UBAC2: variants seen among roughly 807,000 people sequenced by gnomAD.
UBAC2 encodes UBA domain containing 2.
Under a neutral mutation model 44.0 loss-of-function variants are expected in UBAC2, and 26 were observed. The observed-to-expected ratio is 0.59, with a 90% CI of 0.43 to 0.82. UBAC2 has a LOEUF of 0.82. Ranked by LOEUF, UBAC2 falls within the 40% of genes least tolerant of loss-of-function variation. The pLI is 0.00. For synonymous variants in UBAC2, 155 were observed against 154.3 expected, an observed-to-expected ratio of 1.00 and a Z score of -0.04; for missense variants, 329 against 419.4, an observed-to-expected ratio of 0.78 and a Z score of 1.88.
chr13:99,282,591 CTG>C (rs2043968370), intron 4 of UBAC2, among the ~76,000 whole-genome samples: 1 of 152,078 alleles, frequency 6.6e-6, no homozygotes. Flanking sequence ...ATATTTATAA[CTG>C]TTGGGCTAGA....
At position 99,369,008 on chromosome 13, in the gene UBAC2, C is replaced by T. The variant is rs565205561; in HGVS notation, c.927+1102C>T. ...ATCCCACTGGCCACATCTAGGGCAT[C>T]GGCTTGGGGATCAGAATAAATAAAG... On this transcript the variant is annotated intron_variant, in intron 8 of 8. Transcript: ENST00000403766. 3.9e-5 allele frequency among the ~76,000 whole-genome samples: 6 copies of T among 152,070 alleles called. No homozygotes were observed. The East Asian group carries it at 5.8e-4, about 15-fold the overall frequency.
intron 4 of UBAC2, chr13:99,254,992 T>A: frequency 6.2e-7 from 1 of 1,614,142 alleles, no homozygotes; most frequent in Non-Finnish European, 8.5e-7. Context: ...GACTCGAGCC[T>A]GAAATTGTTT....
At chr13:99,291,885 A>G (rs1594093500) in intron 4 of UBAC2, among the ~76,000 whole-genome samples, 1 of 152,206 alleles carries the variant, frequency 6.6e-6, no homozygotes, top group South Asian at 2.1e-4. Context: ...ATATTTGAGG[A>G]CCTTCAATGT....
intron 4 of UBAC2, chr13:99,296,166 A>C (rs2044169468): frequency 1.3e-6 from 2 of 1,545,876 alleles, no homozygotes; most frequent in Non-Finnish European, 1.7e-6. Flanking sequence ...CCAGGTGTCT[A>C]GAAAAAAACC....
chr13:99,310,490 A>G lies in UBAC2; in HGVS notation c.390-3607A>G, dbSNP rs1047279674. ...TTACTGTTGACAGTATAGAGAACAG[A>G]TGTTGTCATAAAATAAGGAAAAGAA... is the stretch of plus-strand genomic sequence containing the variant. On this transcript the variant is annotated intron_variant, in intron 4 of 8. Coordinates refer to ENST00000403766, the MANE Select transcript of UBAC2 (RefSeq NM_001144072.2). Among the ~76,000 whole-genome samples the G allele has an allele frequency of 3.3e-5, 5 of 152,240 alleles. No homozygotes were observed. The South Asian group carries it at 1.0e-3, about 32-fold the overall frequency.
At chr13:99,255,601 T>C in intron 4 of UBAC2, 1 of 1,614,096 alleles carries the variant, frequency 6.2e-7, no homozygotes, top group Middle Eastern at 1.6e-4. Flanking sequence ...GCAGAAGTAC[T>C]CTCCAAATGG....
chr13:99,379,380 G>T (rs1441712845), intron 8 of UBAC2, among the ~76,000 whole-genome samples: 2 of 152,206 alleles, frequency 1.3e-5, no homozygotes, highest in African/African-American at 2.4e-5. Context: ...CAATGACCTT[G>T]GCAAACTCAC....
rs61736137 is a variant in UBAC2, at chr13:99,254,986, C to T, written c.389+10362C>T. ...ACGGTATAGCATGACACTAATGACT[C>T]GAGCCTGAAATTGTTTTGAAACGAT... On this transcript the variant is annotated intron_variant, in intron 4 of 8. Coordinates refer to ENST00000403766, the MANE Select transcript of UBAC2 (RefSeq NM_001144072.2). The T allele has an allele frequency of 1.2e-4, 191 of 1,614,072 alleles. No homozygotes were observed. Among genetic ancestry groups the T allele is most frequent in the Non-Finnish European group, 1.3e-4 (157 of 1,180,014 alleles).
At chr13:99,243,501 T>A (rs1458291903) in intron 2 of UBAC2, among the ~76,000 whole-genome samples, 4 of 152,158 alleles carry the variant, frequency 2.6e-5, no homozygotes. Context: ...TTTGTTAGCC[T>A]TTCATTCTAG....
At chr13:99,367,682 C>G (rs1399165486) in intron 7 of UBAC2, 105 bp from the exon 8 acceptor site, 1 of 1,466,076 alleles carries the variant, frequency 6.8e-7, no homozygotes, top group Non-Finnish European at 9.5e-7. Flanking sequence ...TATGATACTT[C>G]CTTCCCAGTC....
intron 4 of UBAC2, chr13:99,255,571 G>A: frequency 6.2e-7 from 1 of 1,614,116 alleles, no homozygotes; most frequent in Non-Finnish European, 8.5e-7. Context: ...GTAAAACACT[G>A]TGAGAGCTCC....
At chr13:99,305,257 CTG>C (rs1172869773) in intron 4 of UBAC2, among the ~76,000 whole-genome samples, 1 of 150,740 alleles carries the variant, frequency 6.6e-6, no homozygotes, top group African/African-American at 2.4e-5. Context: ...CCACAGCCAT[CTG>C]TGTTACTGTC....
At chr13:99,214,663 T>G (rs2142664965) in intron 1 of UBAC2, among the ~76,000 whole-genome samples, 1 of 152,278 alleles carries the variant, frequency 6.6e-6, no homozygotes. Context: ...AGTTTGAAGT[T>G]ACCCCAAGCT....
At chr13:99,241,575 C>A (rs1025691413) in intron 2 of UBAC2, among the ~76,000 whole-genome samples, 1 of 151,950 alleles carries the variant, frequency 6.6e-6, no homozygotes, top group Non-Finnish European at 1.5e-5. Context: ...ATAGTGTTTC[C>A]TGGGGCTAAG....
intron 4 of UBAC2, among the ~76,000 whole-genome samples, chr13:99,247,195 GTTTT>G (rs397947831): frequency 4.2e-5 from 4 of 95,320 alleles, no homozygotes; most frequent in Non-Finnish European, 9.1e-5. Flanking sequence ...GAAAACTACT[GTTTT>G]TTTTTTTTTG....
At chr13:99,375,798 T>C (rs1196189412) in intron 8 of UBAC2, among the ~76,000 whole-genome samples, 2 of 141,882 alleles carry the variant, frequency 1.4e-5, no homozygotes, top group African/African-American at 5.4e-5. Context: ...TTTTCCTTTT[T>C]CCCTTTTTTT....
At chr13:99,339,496 G>A (rs1389093327) in intron 6 of UBAC2, among the ~76,000 whole-genome samples, 1 of 152,184 alleles carries the variant, frequency 6.6e-6, no homozygotes, top group Admixed American at 6.5e-5. Flanking sequence ...TGCCTGGTGT[G>A]TAGCACAGTC....
At chr13:99,201,725 C>T (rs1046912001) in intron 1 of UBAC2, among the ~76,000 whole-genome samples, 1 of 152,196 alleles carries the variant, frequency 6.6e-6, no homozygotes, top group Admixed American at 6.5e-5. Context: ...TGTTCATACT[C>T]CATGTGAAGT....
At chr13:99,220,605 A>T (rs1190060993) in intron 1 of UBAC2, among the ~76,000 whole-genome samples, 1 of 152,192 alleles carries the variant, frequency 6.6e-6, no homozygotes, top group Non-Finnish European at 1.5e-5. Flanking sequence ...TTTTACTTTT[A>T]GATTAATGCG....
Sources: gnomAD v4.1 joint callset for allele counts (sites outside exome capture counted in the v4.1 genomes callset) on GRCh38, gnomAD v4.1.1 for gene constraint, MANE v1.5 for transcripts, NCBI Gene and HGNC (gene_info 2026-07-23, HGNC 2026-07-21) for gene names.